CHD2: variants seen among roughly 807,000 people sequenced by gnomAD.
CHD2 encodes the protein ATP-dependent chromatin remodeler CHD2.
In CHD2, 28 loss-of-function variants were observed where a neutral mutation model predicts 243.9. The ratio of observed to expected loss-of-function variants is 0.11; its 90% confidence interval spans 0.09 to 0.16. The LOEUF (loss-of-function observed/expected upper bound fraction) is 0.16, where lower values mean the gene tolerates loss of function less well. Ranked by LOEUF, CHD2 falls within the 10% of genes least tolerant of loss-of-function variation. CHD2 has a pLI of 1.00. For synonymous variants in CHD2, 775 were observed against 779.0 expected (o/e 0.99, Z 0.09); for missense variants, 1,386 against 2,209.8 (o/e 0.63, Z 7.47).
At chr15:92,942,297 A>G (rs898793320) in intron 8 of CHD2, among the ~76,000 whole-genome samples, 1 of 152,230 alleles carries the variant, frequency 6.6e-6, no homozygotes, top group Non-Finnish European at 1.5e-5. Flanking sequence ...TTGTGGTAAT[A>G]TTGAAGATTT....
At chr15:92,966,649 A>T (rs2053767537) in intron 16 of CHD2, among the ~76,000 whole-genome samples, 1 of 152,050 alleles carries the variant, frequency 6.6e-6, no homozygotes, top group African/African-American at 2.4e-5. Flanking sequence ...GGTGGCTCAA[A>T]CTTGTAATTC....
At position 92,940,970 on chromosome 15, in the gene CHD2, A is replaced by AATAT. The variant is rs1290465043; in HGVS notation, c.693-850_693-847dup. Among the ~76,000 whole-genome samples the AATAT allele has an allele frequency of 5.4e-4, 17 of 31,434 alleles. 1 individual carries two copies. The highest frequency in any genetic ancestry group is 0.019 in the Middle Eastern group (1 of 54). 20.6% of individuals were successfully genotyped at this position (31,434 alleles called of 152,430 possible). A position where few individuals can be genotyped will look rare whatever the true frequency, so the allele number is the denominator to read the frequency against. ...ATAAATATAAATATATATAAATATA[A>AATAT]ATATAAATATAAATATATATATAAA... On this transcript the variant is annotated intron_variant, in intron 7 of 38. Coordinates refer to ENST00000394196, the MANE Select transcript of CHD2 (RefSeq NM_001271.4).
rs1567166830 is a variant in CHD2, at chr15:93,020,037, A to T, written c.4932A>T (p.Arg1644Ser). 4 of 1,613,332 alleles carry T rather than the reference A, an allele frequency of 2.5e-6. No individual in the cohort carries two copies. The highest frequency in any genetic ancestry group is 3.4e-6 in the Non-Finnish European group (4 of 1,179,282). ...ATCGAGGAGACTGGCAGAGGGAAAG[A>T]AAGTTCAACTATGGTGGTGGCAACA... is the stretch of plus-strand genomic sequence containing the variant. ...NADRGDWQRE[R>S]KFNYGGGNNN... The change falls in exon 38 of 39, where the codon AGA becomes AGT. Residue 1644 changes from arginine to serine, a missense_variant. By Grantham distance (110) the Arg-to-Ser change is moderately radical (BLOSUM62 -1). Transcript: ENST00000394196.
Position 92,942,860 on chromosome 15 carries a change from A to G in CHD2, c.844A>G (p.Thr282Ala), listed in dbSNP as rs758222222. 5 of 1,612,022 alleles carry G rather than the reference A, an allele frequency of 3.1e-6. No homozygotes were observed. The highest frequency in any genetic ancestry group is 4.5e-5 in the East Asian group (2 of 44,878). Residue 282 changes from threonine (T) to alanine (A), a missense_variant, in exon 9 of 39, where the codon ACT becomes GCT. By Grantham distance (58) the Thr-to-Ala change is moderately conservative. Coordinates refer to ENST00000394196, the MANE Select transcript of CHD2 (RefSeq NM_001271.4). ...TTTTGCAGCCACTGGAGCATCTACTACTGTATATGCGATTGAAGCTAATGG... is the reference window on the plus strand; with the variant it reads ...TTTTGCAGCCACTGGAGCATCTACTGCTGTATATGCGATTGAAGCTAATGG... ...GKKGATGASTTVYAIEANGDP... is the reference protein window; with the variant it reads ...GKKGATGASTAVYAIEANGDP...
intron 6 of CHD2, among the ~76,000 whole-genome samples, chr15:92,939,362 A>G (rs2053320400): frequency 6.6e-6 from 1 of 152,170 alleles, no homozygotes; most frequent in African/African-American, 2.4e-5. Context: ...ATGATTGAGG[A>G]TTATCAGCAT....
At chr15:92,960,125 G>A (rs1157204147) in intron 16 of CHD2, among the ~76,000 whole-genome samples, 1 of 151,934 alleles carries the variant, frequency 6.6e-6, no homozygotes, top group African/African-American at 2.4e-5. Context: ...ATTTGGAGTG[G>A]AATTTTTAAA....
rs1183222886 is a variant in CHD2 at position 92,953,468 on chromosome 15, A to C, written c.1614A>C (p.Ile538=). 3 of 1,614,110 alleles carry C rather than the reference A, an allele frequency of 1.9e-6. No homozygotes were observed. In the South Asian group the frequency reaches 3.3e-5, roughly 18 times the overall value. Residue 538 remains isoleucine (I), a synonymous_variant, in exon 14 of 39, where the codon ATA becomes ATC. Coordinates refer to ENST00000394196, the MANE Select transcript of CHD2 (RefSeq NM_001271.4). ...HQHQLYGPFL[I]VVPLSTLTSW... is the part of the protein sequence containing the mutation. ...ACCAGCTGTATGGCCCCTTTCTTAT[A>C]GTCGTCCCTTTATCCACCCTCACCT... is the stretch of plus-strand genomic sequence containing the variant.
At chr15:92,906,607 T>A (rs2052625574) in intron 2 of CHD2, among the ~76,000 whole-genome samples, 1 of 151,884 alleles carries the variant, frequency 6.6e-6, no homozygotes, top group Admixed American at 6.6e-5. Context: ...GTTTCTGGTA[T>A]AAAAATTGAG....
chr15:92,942,847 T>G lies in CHD2; in HGVS notation c.831T>G (p.Thr277=). ...LDSRLGKKGA[T]GASTTVYAIE... Reference sequence around the variant, plus strand: ...GTGTACTTAATCCTTTTGCAGCCACTGGAGCATCTACTACTGTATATGCGA... The same window carrying G: ...GTGTACTTAATCCTTTTGCAGCCACGGGAGCATCTACTACTGTATATGCGA... Residue 277 remains threonine, a synonymous_variant, in exon 9 of 39, where the codon ACT becomes ACG. Coordinates refer to ENST00000394196, the MANE Select transcript of CHD2 (RefSeq NM_001271.4). 6.2e-7 allele frequency: 1 copy of G among 1,601,888 alleles called. No individual in the cohort carries two copies. Among genetic ancestry groups the G allele is most frequent in the Non-Finnish European group, 8.5e-7 (1 of 1,175,622 alleles).
At chr15:92,961,214 A>G (rs1016422733) in intron 16 of CHD2, among the ~76,000 whole-genome samples, 2 of 152,206 alleles carry the variant, frequency 1.3e-5, no homozygotes, top group African/African-American at 4.8e-5. Flanking sequence ...CAGTGTAGCC[A>G]TGTCAACCTT....
chr15:93,017,860 A>G (rs2054483950), intron 37 of CHD2, among the ~76,000 whole-genome samples: 1 of 152,234 alleles, frequency 6.6e-6, no homozygotes, highest in Non-Finnish European at 1.5e-5. Flanking sequence ...ATGTAGTTGC[A>G]TCAGTTATAC....
chr15:92,992,766 G>T, intron 27 of CHD2, 93 bp from the exon 28 acceptor site: 1 of 1,500,448 alleles, frequency 6.7e-7, no homozygotes, highest in Non-Finnish European at 9.0e-7. Context: ...TGTCTTTGCA[G>T]GAGAAGATTA....
chr15:92,929,331 A>G (rs1222050848), intron 5 of CHD2, among the ~76,000 whole-genome samples: 1 of 152,152 alleles, frequency 6.6e-6, no homozygotes, highest in Admixed American at 6.6e-5. Context: ...TTTGCTTGGG[A>G]TAAATCTCAG....
intron 2 of CHD2, chr15:92,901,532 G>A (rs2052528787): frequency 3.7e-6 from 2 of 547,594 alleles, no homozygotes; most frequent in South Asian, 2.8e-5. Context: ...CAGTCAAAAG[G>A]TAAGGTACCT....
At chr15:92,957,650 A>G (rs1287266569) in intron 16 of CHD2, among the ~76,000 whole-genome samples, 3 of 150,360 alleles carry the variant, frequency 2.0e-5, no homozygotes, top group Admixed American at 1.3e-4. Flanking sequence ...ATGCTCTACA[A>G]TCTTTTTTTT....
intron 9 of CHD2, 154 bp from the exon 10 acceptor site, chr15:92,944,261 G>A: frequency 2.1e-6 from 1 of 477,850 alleles, no homozygotes; most frequent in Non-Finnish European, 3.8e-6. Flanking sequence ...GTTTTGTTTT[G>A]TAAAATCTCT....
intron 2 of CHD2, among the ~76,000 whole-genome samples, chr15:92,916,070 A>C (rs1431412349): frequency 6.6e-6 from 1 of 152,216 alleles, no homozygotes; most frequent in Non-Finnish European, 1.5e-5. Context: ...GACTTAAAAG[A>C]ATGCAACTGT....
rs1191532828 is a variant in CHD2 at position 92,943,402 on chromosome 15, G to GT, written c.1052+338dup. 24 of 286,040 alleles carry GT rather than the reference G, an allele frequency of 8.4e-5. 1 individual carries two copies. Among genetic ancestry groups the GT allele is most frequent in the South Asian group, 6.8e-4 (19 of 27,854 alleles). 17.7% of individuals were successfully genotyped at this position (286,040 alleles called of 1,614,324 possible). A position where few individuals can be genotyped will look rare whatever the true frequency, so the allele number is the denominator to read the frequency against. On this transcript the variant is annotated intron_variant, in intron 9 of 38. Coordinates refer to ENST00000394196, the MANE Select transcript of CHD2 (RefSeq NM_001271.4). ...ACAGCAATTCTGCAAGTGGACTCAG[G>GT]TTTTGAATTCTGATGCCCTGAATCC...
chr15:92,935,022 T>TTTTC (rs1420941125), intron 5 of CHD2, among the ~76,000 whole-genome samples: 1 of 150,474 alleles, frequency 6.6e-6, no homozygotes, highest in African/African-American at 2.4e-5. Context: ...TAAGTTTTTT[T>TTTTC]TTTCTTTCTT....
Sources: allele counts gnomAD v4.1 joint callset (sites outside exome capture counted in the v4.1 genomes callset), GRCh38; gene constraint gnomAD v4.1.1; transcripts MANE v1.5; gene names NCBI Gene and HGNC (gene_info 2026-07-23, HGNC 2026-07-21).